MEGF11: variants seen among roughly 807,000 people sequenced by gnomAD.
The protein encoded by MEGF11 is multiple epidermal growth factor-like domains protein 11.
A neutral mutation model predicts 146.6 loss-of-function variants in MEGF11; 126 were observed. That is an observed-to-expected ratio of 0.86 (90% confidence interval 0.74 to 1.00). The LOEUF is 1.00. Ranked by LOEUF, MEGF11 falls within the 50% of genes least tolerant of loss-of-function variation. The probability of loss-of-function intolerance (pLI) is 0.00; values close to 1 mark genes in which losing one functional copy is unlikely to be tolerated. For synonymous variants in MEGF11, 532 were observed against 583.4 expected, an observed-to-expected ratio of 0.91 and a Z score of 1.27; for missense variants, 1,509 against 1,521.2, an observed-to-expected ratio of 0.99 and a Z score of 0.13.
chr15:66,208,205 A>G (rs1597152354), intron 1 of MEGF11, among the ~76,000 whole-genome samples: 1 of 152,284 alleles, frequency 6.6e-6, no homozygotes, highest in South Asian at 2.1e-4. Flanking sequence ...ACACAATTAT[A>G]TTATACATGG....
At chr15:66,245,085 G>A (rs1389197575) in intron 1 of MEGF11, among the ~76,000 whole-genome samples, 13 of 152,214 alleles carry the variant, frequency 8.5e-5, no homozygotes, top group Non-Finnish European at 4.4e-5. Context: ...CTCCAGTAGT[G>A]AGGGGAGGTC....
chr15:65,974,662 AAAAAG>A (rs1199588475), intron 7 of MEGF11, among the ~76,000 whole-genome samples: 2 of 152,140 alleles, frequency 1.3e-5, no homozygotes, highest in Non-Finnish European at 1.5e-5. Flanking sequence ...CTCAAAAGAA[AAAAAG>A]AAAAGTCAGA....
At chr15:65,931,519 T>A (rs2079574602) in intron 10 of MEGF11, among the ~76,000 whole-genome samples, 1 of 152,218 alleles carries the variant, frequency 6.6e-6, no homozygotes, top group East Asian at 1.9e-4. Context: ...AGATAATAAA[T>A]TTGTGCTGTT....
intron 1 of MEGF11, among the ~76,000 whole-genome samples, chr15:66,170,448 G>C (rs1338906992): frequency 6.6e-6 from 1 of 152,234 alleles, no homozygotes; most frequent in Non-Finnish European, 1.5e-5. Flanking sequence ...GAAGTCTACA[G>C]GGTGGACAAT....
intron 10 of MEGF11, among the ~76,000 whole-genome samples, chr15:65,953,833 G>C (rs942789003): frequency 6.6e-6 from 1 of 152,056 alleles, no homozygotes; most frequent in Non-Finnish European, 1.5e-5. Flanking sequence ...GACTAGGGCA[G>C]GCATGCCACT....
intron 1 of MEGF11, among the ~76,000 whole-genome samples, chr15:66,231,044 G>A (rs2091957386): frequency 6.6e-6 from 1 of 152,090 alleles, no homozygotes; most frequent in South Asian, 2.1e-4. Context: ...TAGAGAATAA[G>A]GTCCCATGGT....
chr15:66,210,920 C>T (rs1211262485), intron 1 of MEGF11, among the ~76,000 whole-genome samples: 3 of 152,228 alleles, frequency 2.0e-5, no homozygotes, highest in Non-Finnish European at 4.4e-5. Context: ...AAGCAAGTCA[C>T]AGATGGCAAG....
intron 5 of MEGF11, among the ~76,000 whole-genome samples, chr15:65,997,619 T>C (rs1424357422): frequency 6.6e-6 from 1 of 152,234 alleles, no homozygotes. Context: ...CATCCTTTTG[T>C]TTACTGTCTG....
At chr15:66,212,394 G>T (rs939874822) in intron 1 of MEGF11, among the ~76,000 whole-genome samples, 1 of 152,122 alleles carries the variant, frequency 6.6e-6, no homozygotes, top group African/African-American at 2.4e-5. Context: ...GCACAAGCTG[G>T]GTGCATCGTG....
chr15:66,036,551 C>T (rs2083732865), intron 5 of MEGF11, among the ~76,000 whole-genome samples: 1 of 152,206 alleles, frequency 6.6e-6, no homozygotes, highest in African/African-American at 2.4e-5. Flanking sequence ...ACTGAGCATT[C>T]CCATCCAGGT....
chr15:65,916,698 G>A (rs1254005371), intron 17 of MEGF11, 130 bp downstream of exon 17: 1 of 1,461,570 alleles, frequency 6.8e-7, no homozygotes, highest in Non-Finnish European at 9.4e-7. Context: ...CGTGGGGCAG[G>A]AGTCAGGTAC....
At chr15:66,127,338 G>A (rs145933472) in intron 2 of MEGF11, among the ~76,000 whole-genome samples, 1 of 152,208 alleles carries the variant, frequency 6.6e-6, no homozygotes, top group African/African-American at 2.4e-5. Context: ...TCACACAAGT[G>A]CAGGCACTGT....
At chr15:66,196,821 G>T (rs1042105171) in intron 1 of MEGF11, among the ~76,000 whole-genome samples, 5 of 152,292 alleles carry the variant, frequency 3.3e-5, no homozygotes, top group Non-Finnish European at 7.3e-5. Context: ...AAAGAAACAT[G>T]ACTGGTCAAA....
At chr15:66,142,346 T>C (rs983798860) in intron 1 of MEGF11, among the ~76,000 whole-genome samples, 1 of 152,188 alleles carries the variant, frequency 6.6e-6, no homozygotes, top group Non-Finnish European at 1.5e-5. Flanking sequence ...CGTGGCAACA[T>C]CTTTGCATCA....
chr15:66,130,661 A>G lies in MEGF11; in HGVS notation c.-8-2250T>C, dbSNP rs201572757. 1.6e-3 allele frequency among the ~76,000 whole-genome samples: 228 copies of G among 146,166 alleles called. 1 individual carries two copies. Among genetic ancestry groups the G allele is most frequent in the African/African-American group, 5.4e-3 (213 of 39,234 alleles). ...GGAAAAAAAGGAAAGAAATAAAGAG[A>G]AAGGAAGGAAGGAAAAGGAAAGGAA... On this transcript the variant is annotated intron_variant, in intron 1 of 25. Coordinates refer to ENST00000395614, the MANE Select transcript of MEGF11 (RefSeq NM_001385028.1).
chr15:66,216,393 G>C (rs754387194), intron 1 of MEGF11, among the ~76,000 whole-genome samples: 1 of 152,148 alleles, frequency 6.6e-6, no homozygotes, highest in East Asian at 1.9e-4. Context: ...ACCGCAGAAG[G>C]GTCAGGTCAC....
intron 5 of MEGF11, among the ~76,000 whole-genome samples, chr15:66,075,288 CA>C: frequency 6.6e-6 from 1 of 152,336 alleles, no homozygotes; most frequent in East Asian, 1.9e-4. Context: ...TAGGCCAGCA[CA>C]GATCTGGGCT....
At chr15:65,900,222 G>A (rs908778003) in intron 24 of MEGF11, among the ~76,000 whole-genome samples, 1 of 152,228 alleles carries the variant, frequency 6.6e-6, no homozygotes, top group African/African-American at 2.4e-5. Flanking sequence ...GTAGCAGATG[G>A]TGAAATTCTT....
chr15:66,153,250 C>T (rs758882741), intron 1 of MEGF11, among the ~76,000 whole-genome samples: 1 of 152,174 alleles, frequency 6.6e-6, no homozygotes, highest in African/African-American at 2.4e-5. Flanking sequence ...TCAAGGCAAG[C>T]TCTCCATGGC....
Sources: gnomAD v4.1 joint callset for allele counts (sites outside exome capture counted in the v4.1 genomes callset) on GRCh38, gnomAD v4.1.1 for gene constraint, MANE v1.5 for transcripts, NCBI Gene and HGNC (gene_info 2026-07-23, HGNC 2026-07-21) for gene names.